RYK: variants seen among roughly 807,000 people sequenced by gnomAD.
The protein encoded by RYK is inactive tyrosine-protein kinase RYK.
A neutral mutation model predicts 70.2 loss-of-function variants in RYK; 21 were observed. That is an observed-to-expected ratio of 0.30 (90% CI 0.21 to 0.43). The LOEUF (loss-of-function observed/expected upper bound fraction) is 0.43, where lower values mean the gene tolerates loss of function less well. Ranked by LOEUF, RYK falls within the 20% of genes least tolerant of loss-of-function variation. The pLI, the probability that RYK is intolerant of heterozygous loss-of-function variation, is 1.00. For missense variants in RYK, 604 were observed against 753.3 expected, an observed-to-expected ratio of 0.80 and a Z score of 2.32; for synonymous variants, 267 against 278.0, an observed-to-expected ratio of 0.96 and a Z score of 0.39.
At chr3:134,160,006 G>A (rs1053650021) in intron 13 of RYK, among the ~76,000 whole-genome samples, 3 of 152,086 alleles carry the variant, frequency 2.0e-5, no homozygotes, top group African/African-American at 4.8e-5. Context: ...CCTGGAGAGC[G>A]TGCAGGGGGC....
chr3:134,195,814 C>T (rs1462972718), intron 6 of RYK, among the ~76,000 whole-genome samples: 8 of 152,164 alleles, frequency 5.3e-5, no homozygotes, highest in South Asian at 2.1e-4. Flanking sequence ...GGCATGGTGA[C>T]GCGTGCCTGT....
chr3:134,190,693 T>G (rs1009641632), intron 8 of RYK, among the ~76,000 whole-genome samples: 1 of 152,206 alleles, frequency 6.6e-6, no homozygotes, highest in Non-Finnish European at 1.5e-5. Flanking sequence ...TAAACTATTA[T>G]GGGCCTGAAA....
chr3:134,244,007 T>C (rs1380296344), intron 1 of RYK, among the ~76,000 whole-genome samples: 1 of 152,228 alleles, frequency 6.6e-6, no homozygotes, highest in African/African-American at 2.4e-5. Flanking sequence ...TGGGACACAG[T>C]GATTTCAACT....
chr3:134,162,382 G>A (rs2012508084), intron 13 of RYK, among the ~76,000 whole-genome samples: 1 of 152,056 alleles, frequency 6.6e-6, no homozygotes. Context: ...CAGGTGGTCA[G>A]CCTTTTGGAA....
intron 1 of RYK, among the ~76,000 whole-genome samples, chr3:134,236,377 A>G (rs995314460): frequency 6.6e-6 from 1 of 152,200 alleles, no homozygotes. Context: ...AGAATAAAAT[A>G]CTTAGGAATA....
rs1576523945 is a variant in RYK, at chr3:134,213,208, A to G, written c.355-1601T>C. Among the ~76,000 whole-genome samples the G allele has an allele frequency of 2.6e-5, 4 of 152,296 alleles. No homozygotes were observed. In the South Asian group the frequency reaches 8.3e-4, roughly 32 times the overall value. ...CGATGCTATCTCTGAACAGGACCAT[A>G]CATGAAGGGTAGGTGCACAAAAGAA... is the stretch of plus-strand genomic sequence containing the variant. On this transcript the variant is annotated intron_variant, in intron 2 of 14. Coordinates refer to ENST00000623711, the MANE Select transcript of RYK (RefSeq NM_002958.4).
At chr3:134,232,866 A>G (rs1475973546) in intron 1 of RYK, among the ~76,000 whole-genome samples, 1 of 152,254 alleles carries the variant, frequency 6.6e-6, no homozygotes. Flanking sequence ...CTGGAATAGC[A>G]GGAATAGAAT....
Position 134,211,516 on chromosome 3 carries a change from G to C in RYK, c.446C>G (p.Thr149Ser). The C allele has an allele frequency of 6.2e-7, 1 of 1,610,814 alleles. No homozygotes were observed. The highest frequency in any genetic ancestry group is 8.5e-7 in the Non-Finnish European group (1 of 1,177,686). The change falls in exon 3 of 15, where the codon ACT (threonine) becomes AGT (serine). Residue 149 changes from threonine (T) to serine (S), a missense_variant. Physicochemically the swap from Thr to Ser is moderately conservative, Grantham distance 58. Around this residue, in one of 2 missense-constraint regions of RYK, gnomAD observed 466 missense variants for 535.9 expected, o/e 0.87. Transcript: ENST00000623711. ...NISVQGEVPR[T>S]LSVFRVELSC... ...TGAAGACTCTTACTTACCTGATAAA[G>C]TGCGTGGAACTTCCCCCTGAACAGA...
chr3:134,184,524 G>T (rs991806001), intron 9 of RYK, among the ~76,000 whole-genome samples: 3 of 152,134 alleles, frequency 2.0e-5, no homozygotes, highest in Non-Finnish European at 4.4e-5. Flanking sequence ...ACTTTGGGAG[G>T]CTGAAGCAGG....
chr3:134,227,916 G>A (rs1464583686), intron 1 of RYK, among the ~76,000 whole-genome samples: 2 of 152,216 alleles, frequency 1.3e-5, no homozygotes, highest in South Asian at 2.1e-4. Flanking sequence ...CTCGTGATCC[G>A]CCTGCCTCGG....
chr3:134,187,231 T>G (rs2013494136), intron 9 of RYK, among the ~76,000 whole-genome samples: 1 of 152,202 alleles, frequency 6.6e-6, no homozygotes, highest in South Asian at 2.1e-4. Flanking sequence ...TTCCAAAGAT[T>G]TTTTGTTAGA....
intron 7 of RYK, 98 bp from the exon 8 acceptor site, chr3:134,192,072 G>T: frequency 8.6e-7 from 1 of 1,168,254 alleles, no homozygotes; most frequent in Non-Finnish European, 1.2e-6. Context: ...CAGGTCACAG[G>T]AATGAGTGTA....
chr3:134,184,169 T>G (rs956474487), intron 9 of RYK, among the ~76,000 whole-genome samples: 9 of 152,238 alleles, frequency 5.9e-5, no homozygotes, highest in African/African-American at 1.9e-4. Context: ...AGTAAAAATA[T>G]AGTTAACTTT....
intron 13 of RYK, among the ~76,000 whole-genome samples, chr3:134,165,831 T>C (rs912089022): frequency 6.6e-6 from 1 of 152,268 alleles, no homozygotes; most frequent in African/African-American, 2.4e-5. Flanking sequence ...TATCCATTAC[T>C]TGTCCCACCA....
intron 5 of RYK, among the ~76,000 whole-genome samples, chr3:134,205,098 T>C (rs573064030): frequency 1.3e-5 from 2 of 152,240 alleles, no homozygotes; most frequent in South Asian, 2.1e-4. Context: ...AAGCAATAAC[T>C]TGGATAAGGG....
intron 2 of RYK, among the ~76,000 whole-genome samples, chr3:134,218,463 A>G (rs1576526721): frequency 6.6e-6 from 1 of 152,216 alleles, no homozygotes; most frequent in East Asian, 1.9e-4. Flanking sequence ...GTGCAGACAG[A>G]AAAGGGCACC....
intron 1 of RYK, among the ~76,000 whole-genome samples, chr3:134,248,101 T>C (rs2015512447): frequency 6.6e-6 from 1 of 152,070 alleles, no homozygotes; most frequent in Non-Finnish European, 1.5e-5. Context: ...ATTTTAAAGG[T>C]AGAATGTATG....
rs1250064212 is a variant in RYK, at chr3:134,250,516, C to T, written c.139G>A (p.Ala47Thr). The T allele has an allele frequency of 8.1e-7, 1 of 1,231,172 alleles. No individual in the cohort carries two copies. The highest frequency in any genetic ancestry group is 1.0e-6 in the Non-Finnish European group (1 of 983,434). The allele number at this position is 1,231,172 out of a possible 1,614,324, so 76.3% of individuals were successfully genotyped here. A position where few individuals can be genotyped will look rare whatever the true frequency, so the allele number is the denominator to read the frequency against. The change falls in exon 1 of 15, where the codon GCC (alanine) becomes ACC (threonine). Residue 47 changes from alanine (A) to threonine (T), a missense_variant. Coordinates refer to ENST00000623711, the MANE Select transcript of RYK (RefSeq NM_002958.4). ...PLLPAPGAAAAPAPRPPELQS... is the reference protein window; with the variant it reads ...PLLPAPGAAATPAPRPPELQS... ...AGCTCCGGGGGCCGCGGGGCGGGGGCGGCGGCAGCGCCAGGCGCGGGCAGC... is the reference window on the plus strand; with the variant it reads ...AGCTCCGGGGGCCGCGGGGCGGGGGTGGCGGCAGCGCCAGGCGCGGGCAGC...
chr3:134,218,916 A>G (rs2014646430), intron 2 of RYK, among the ~76,000 whole-genome samples: 1 of 152,200 alleles, frequency 6.6e-6, no homozygotes, highest in South Asian at 2.1e-4. Context: ...CTAGATTTAG[A>G]AAGTATAGGA....
Sources: allele counts gnomAD v4.1 joint callset (sites outside exome capture counted in the v4.1 genomes callset), GRCh38; gene constraint gnomAD v4.1.1; regional missense constraint gnomAD v4.1.1; transcripts MANE v1.5; gene names NCBI Gene and HGNC (gene_info 2026-07-23, HGNC 2026-07-21).